DNER: variants seen among roughly 807,000 people sequenced by gnomAD.
The protein encoded by DNER is delta and Notch-like epidermal growth factor-related receptor.
In DNER, 33 loss-of-function variants were observed where a neutral mutation model predicts 78.2. The observed-to-expected ratio is 0.42, with a 90% CI of 0.32 to 0.56. The LOEUF (loss-of-function observed/expected upper bound fraction) is 0.56, where lower values mean the gene tolerates loss of function less well. DNER is among the 20% of genes least tolerant of loss of function. The pLI is 0.11. For missense variants in DNER, 918 were observed against 975.3 expected (o/e 0.94, Z 0.78); for synonymous variants, 417 against 384.8 (o/e 1.08, Z -0.98).
At chr2:229,484,204 G>A (rs1048862145) in intron 6 of DNER, among the ~76,000 whole-genome samples, 1 of 152,106 alleles carries the variant, frequency 6.6e-6, no homozygotes. Context: ...CAATAATATC[G>A]AGAACGGCCT....
chr2:229,373,874 G>A (rs1256317676), intron 11 of DNER, among the ~76,000 whole-genome samples: 1 of 152,190 alleles, frequency 6.6e-6, no homozygotes, highest in African/African-American at 2.4e-5. Flanking sequence ...TCACTTATAA[G>A]TGGGAGCTGG....
intron 7 of DNER, among the ~76,000 whole-genome samples, chr2:229,463,562 T>C (rs1400403209): frequency 6.6e-6 from 1 of 152,094 alleles, no homozygotes; most frequent in African/African-American, 2.4e-5. Context: ...TGCCTCAGCC[T>C]CCCGAGTAGC....
At chr2:229,514,896 T>C (rs887314377) in intron 5 of DNER, among the ~76,000 whole-genome samples, 4 of 152,256 alleles carry the variant, frequency 2.6e-5, no homozygotes, top group African/African-American at 9.6e-5. Context: ...GTCTTTCTTC[T>C]GTTAACAGAA....
chr2:229,600,638 A>G (rs900194189), intron 1 of DNER, among the ~76,000 whole-genome samples: 2 of 152,206 alleles, frequency 1.3e-5, no homozygotes, highest in African/African-American at 4.8e-5. Flanking sequence ...TCTTGGTACT[A>G]TGAAAAGAAT....
intron 1 of DNER, among the ~76,000 whole-genome samples, chr2:229,707,636 C>T (rs1699850436): frequency 6.6e-6 from 1 of 152,188 alleles, no homozygotes; most frequent in Non-Finnish European, 1.5e-5. Context: ...GTGCTGGGTT[C>T]CCATGCAACT....
intron 1 of DNER, among the ~76,000 whole-genome samples, chr2:229,699,461 G>A (rs1023568807): frequency 7.9e-5 from 12 of 152,244 alleles, no homozygotes; most frequent in African/African-American, 2.4e-4. Flanking sequence ...CTCCTCCTGG[G>A]TTCAAGCGAT....
chr2:229,500,354 G>A (rs1695592494), intron 6 of DNER, among the ~76,000 whole-genome samples: 4 of 152,206 alleles, frequency 2.6e-5, no homozygotes, highest in Non-Finnish European at 5.9e-5. Context: ...AGTCACACCT[G>A]TCAGAATAGC....
rs1220056039 is a variant in DNER, at chr2:229,365,246, T to G, written c.2102+1627A>C. Among the ~76,000 whole-genome samples, 6 of 152,274 alleles carry G rather than the reference T, an allele frequency of 3.9e-5. No individual in the cohort carries two copies. The South Asian group carries it at 1.0e-3, about 26-fold the overall frequency. On this transcript the variant is annotated intron_variant, in intron 12 of 12. Transcript: ENST00000341772. ...AGCTGTGAAGGTGACTGCAGCTGAC[T>G]CTTAGGCTGCCTGATTTGGAACTTT... is the stretch of plus-strand genomic sequence containing the variant.
At chr2:229,520,666 A>G (rs1280580470) in intron 5 of DNER, among the ~76,000 whole-genome samples, 1 of 152,208 alleles carries the variant, frequency 6.6e-6, no homozygotes, top group Non-Finnish European at 1.5e-5. Context: ...AAGGAAAGCT[A>G]AAACTCGGAA....
In DNER at chr2:229,358,022, C is replaced by A. The variant is rs1283795608; in HGVS notation, c.*518G>T. The stretch of plus-strand genomic sequence containing the variant: ...AAACAGTGCAGAAATAAGTTACTTA[C>A]CCATGCACAGAATAAGGCAAAGGCT... On this transcript the variant is annotated 3_prime_UTR_variant, in exon 13 of 13. Transcript: ENST00000341772. 6.6e-6 allele frequency: 1 copy of A among 152,652 alleles called. No homozygotes were observed. The highest frequency in any genetic ancestry group is 1.5e-5 in the Non-Finnish European group (1 of 68,066). The allele number at this position is 152,652 out of a possible 1,614,324, so 9.5% of individuals were successfully genotyped here.
intron 6 of DNER, among the ~76,000 whole-genome samples, chr2:229,484,678 C>A (rs1695233928): frequency 6.6e-6 from 1 of 152,058 alleles, no homozygotes; most frequent in Admixed American, 6.5e-5. Flanking sequence ...GTGTGACTGG[C>A]ATCTAGTAGG....
At chr2:229,534,147 T>C (rs147699772) in intron 5 of DNER, among the ~76,000 whole-genome samples, 1,848 of 152,208 alleles carry the variant, frequency 0.012, 41 homozygotes, top group African/African-American at 0.042. Context: ...GAGATTGTAA[T>C]GAAACAGACC....
At chr2:229,452,707 C>A (rs1302807182) in intron 7 of DNER, among the ~76,000 whole-genome samples, 2 of 152,224 alleles carry the variant, frequency 1.3e-5, no homozygotes, top group African/African-American at 4.8e-5. Context: ...CGGCTCACTG[C>A]AACCTCCGCC....
At position 229,418,249 on chromosome 2, in the gene DNER, G is replaced by A; in HGVS notation, c.1487-19C>T. The A allele has an allele frequency of 6.2e-7, 1 of 1,613,448 alleles. No individual in the cohort carries two copies. Among genetic ancestry groups the A allele is most frequent in the Non-Finnish European group, 8.5e-7 (1 of 1,179,922 alleles). ...TGGTAACCTGAGGGACAGAGAGAAA[G>A]GCCCACTGTCAAATGCATCCCATTT... On this transcript the variant is annotated intron_variant, in intron 8 of 12. Coordinates refer to ENST00000341772, the MANE Select transcript of DNER (RefSeq NM_139072.4).
intron 4 of DNER, among the ~76,000 whole-genome samples, chr2:229,554,640 G>T (rs1181989505): frequency 6.6e-6 from 1 of 152,108 alleles, no homozygotes; most frequent in Non-Finnish European, 1.5e-5. Flanking sequence ...AGTGAGCTGA[G>T]ATCGTGCCAC....
intron 8 of DNER, among the ~76,000 whole-genome samples, chr2:229,441,070 C>T (rs183827960): frequency 0.019 from 2,880 of 151,310 alleles, 49 homozygotes; most frequent in Non-Finnish European, 0.026. Context: ...ACATTCTCCC[C>T]ACATGTGTCC....
chr2:229,534,381 T>G (rs1034669847), intron 5 of DNER, among the ~76,000 whole-genome samples: 5 of 152,124 alleles, frequency 3.3e-5, no homozygotes, highest in Non-Finnish European at 7.3e-5. Context: ...TAGATTGTAA[T>G]GTAACAGACC....
intron 11 of DNER, among the ~76,000 whole-genome samples, chr2:229,370,207 G>A (rs1457623924): frequency 6.6e-6 from 1 of 152,128 alleles, no homozygotes; most frequent in Non-Finnish European, 1.5e-5. Flanking sequence ...CCCAAACAGG[G>A]GGCCAGGCCT....
chr2:229,389,679 C>T (rs56224856), intron 10 of DNER, among the ~76,000 whole-genome samples: 10,645 of 152,198 alleles, frequency 0.07, 482 homozygotes, highest in East Asian at 0.13. Context: ...GTTTACCTTA[C>T]GTTTATAAAA....
Sources: gnomAD v4.1 joint callset for allele counts (sites outside exome capture counted in the v4.1 genomes callset) on GRCh38, gnomAD v4.1.1 for gene constraint, MANE v1.5 for transcripts, NCBI Gene and HGNC (gene_info 2026-07-23, HGNC 2026-07-21) for gene names.